The following GALNT6 variants were observed in gnomAD, a reference collection of about 807,000 sequenced individuals.
GALNT6 encodes GalNAc transferase 6.
GALNT6 carries 51 observed loss-of-function variants against 65.9 expected under a neutral mutation model. The observed-to-expected ratio is 0.77, with a 90% CI of 0.62 to 0.98. GALNT6 has a LOEUF of 0.98. Among genes scored for constraint, GALNT6 ranks in the 50% least tolerant of loss-of-function variants. GALNT6 has a pLI of 0.00. For missense variants in GALNT6, 708 were observed against 803.3 expected, an observed-to-expected ratio of 0.88 and a Z score of 1.43; for synonymous variants, 323 against 315.1, an observed-to-expected ratio of 1.02 and a Z score of -0.26.
At chr12:51,371,398 A>C (rs1183787941) in intron 4 of GALNT6, among the ~76,000 whole-genome samples, 1 of 151,978 alleles carries the variant, frequency 6.6e-6, no homozygotes, top group Non-Finnish European at 1.5e-5. Context: ...CACCCACTCC[A>C]CCAGCACTCT....
At chr12:51,374,881 T>C (rs1763268016) in intron 4 of GALNT6, among the ~76,000 whole-genome samples, 3 of 152,168 alleles carry the variant, frequency 2.0e-5, no homozygotes, top group Admixed American at 2.0e-4. Flanking sequence ...GAAGTCACAG[T>C]ACAGATGAAA....
chr12:51,359,437 G>C, intron 7 of GALNT6, 105 bp from the exon 8 acceptor site: 1 of 752,294 alleles, frequency 1.3e-6, no homozygotes, highest in Non-Finnish European at 2.2e-6. Flanking sequence ...CAGGTCCAAG[G>C]ACTTGGGCAA....
chr12:51,373,742 C>T (rs576995125), intron 4 of GALNT6, among the ~76,000 whole-genome samples: 11 of 152,326 alleles, frequency 7.2e-5, no homozygotes, highest in Admixed American at 5.2e-4. Flanking sequence ...GAGATCACTG[C>T]CAAGCTCCTC....
In GALNT6 at chr12:51,358,891, C is replaced by T. The variant is rs1565712892; in HGVS notation, c.1368+241G>A. On this transcript the variant is annotated intron_variant, in intron 8 of 11. Transcript: ENST00000356317. ...GTAAGAGGCTTTTCCTCCAAATCTC[C>T]TTTCCCTCCCTTCCCCTCCAAAGGG... Among the ~76,000 whole-genome samples, 8 of 152,184 alleles carry T rather than the reference C, an allele frequency of 5.3e-5. No homozygotes were observed. In the South Asian group the frequency reaches 1.7e-3, roughly 32 times the overall value.
intron 9 of GALNT6, among the ~76,000 whole-genome samples, chr12:51,357,888 T>C (rs1014790673): frequency 7.2e-5 from 11 of 152,216 alleles, no homozygotes; most frequent in South Asian, 2.1e-4. Context: ...TACCGTGCCT[T>C]CCTGGTGATT....
At position 51,387,223 on chromosome 12, in the gene GALNT6, G is replaced by A. The variant is rs983582016; in HGVS notation, c.-104+3627C>T. Reference sequence around the variant, plus strand: ...AGCGATTCTCATCCCTCAGCCTCCCGGGTAGCTGGGATTACAGGCGCCCGC... The same window carrying A: ...AGCGATTCTCATCCCTCAGCCTCCCAGGTAGCTGGGATTACAGGCGCCCGC... On this transcript the variant is annotated intron_variant, in intron 2 of 11. Transcript: ENST00000356317. The surrounding 1 kb of genome is among the most constrained non-coding windows in gnomAD (Gnocchi z 4.2). 1.1e-4 allele frequency among the ~76,000 whole-genome samples: 16 copies of A among 151,806 alleles called. No homozygotes were observed. The highest frequency in any genetic ancestry group is 3.9e-4 in the African/African-American group (16 of 41,292).
At chr12:51,366,957 G>T (rs1487027480) in intron 4 of GALNT6, among the ~76,000 whole-genome samples, 1 of 152,048 alleles carries the variant, frequency 6.6e-6, no homozygotes, top group Non-Finnish European at 1.5e-5. Context: ...GTGAGACCCT[G>T]CCACTATTAA....
intron 2 of GALNT6, among the ~76,000 whole-genome samples, chr12:51,381,629 T>C (rs1472071172): frequency 6.6e-6 from 1 of 152,228 alleles, no homozygotes; most frequent in African/African-American, 2.4e-5. Context: ...GTTTTGATCA[T>C]TAGCAGCTGT....
Position 51,379,357 on chromosome 12 carries a change from A to C in GALNT6, c.425T>G (p.Phe142Cys), listed in dbSNP as rs923345055. Reference protein sequence around the residue: ...EKEEGYKKHCFNAFASDRISL... With the variant: ...EKEEGYKKHCCNAFASDRISL... The stretch of plus-strand genomic sequence containing the variant: ...GATCCGGTCGCTGGCAAAGGCATTG[A>C]AACAGTGCTTCTTATAGCCTTCTTC... Residue 142 changes from phenylalanine (F) to cysteine (C), a missense_variant, in exon 3 of 12, where the codon TTC becomes TGC. Coordinates refer to ENST00000356317, the MANE Select transcript of GALNT6 (RefSeq NM_007210.4). The C allele has an allele frequency of 6.4e-7, 1 of 1,555,104 alleles. No individual in the cohort carries two copies. Among genetic ancestry groups the C allele is most frequent in the Non-Finnish European group, 8.7e-7 (1 of 1,154,942 alleles).
At chr12:51,368,878 C>T (rs896218056) in intron 4 of GALNT6, among the ~76,000 whole-genome samples, 1 of 152,216 alleles carries the variant, frequency 6.6e-6, no homozygotes, top group Non-Finnish European at 1.5e-5. Context: ...TCAAAATCAG[C>T]CTCATGCAGC....
chr12:51,363,751 A>G (rs1282773202), intron 6 of GALNT6, among the ~76,000 whole-genome samples: 3 of 152,070 alleles, frequency 2.0e-5, no homozygotes, highest in Admixed American at 2.0e-4. Flanking sequence ...AGCATGGGCC[A>G]CTCCTTTTAT....
Position 51,364,318 on chromosome 12 carries a change from A to G in GALNT6, c.852T>C (p.Ala284=). Residue 284 remains alanine (A), a synonymous_variant, in exon 6 of 12, where the codon GCT becomes GCC. Transcript: ENST00000356317. ...CFHGWLEPLL[A]RIAEDKTVVV... ...CCACTGTCTTGTCCTCAGCGATTCG[A>G]GCCAGGAGGGGCTCCAGCCAGCCGT... 1 of 1,614,182 alleles carries G rather than the reference A, an allele frequency of 6.2e-7. No individual in the cohort carries two copies. Among genetic ancestry groups the G allele is most frequent in the Non-Finnish European group, 8.5e-7 (1 of 1,180,010 alleles).
At chr12:51,356,078 C>T in intron 10 of GALNT6, 120 bp from the exon 11 acceptor site, 1 of 803,338 alleles carries the variant, frequency 1.2e-6, no homozygotes, top group Non-Finnish European at 2.0e-6. Flanking sequence ...GAGGCCATGC[C>T]AAGACTTTAC....
intron 9 of GALNT6, among the ~76,000 whole-genome samples, chr12:51,357,803 C>T (rs1387093752): frequency 3.9e-5 from 6 of 152,104 alleles, no homozygotes; most frequent in African/African-American, 1.4e-4. Flanking sequence ...CCTGGAGACT[C>T]GTGAGAAATG....
Position 51,369,050 on chromosome 12 carries a change from C to T in GALNT6, c.665-3471G>A, listed in dbSNP as rs12578858. ...CCCTGACAGGAAGGAGGGAGGAAGC[C>T]CAGGCTCCTCAGCATGGCTGCTGTG... On this transcript the variant is annotated intron_variant, in intron 4 of 11. Coordinates refer to ENST00000356317, the MANE Select transcript of GALNT6 (RefSeq NM_007210.4). 8.6e-3 allele frequency among the ~76,000 whole-genome samples: 1,312 copies of T among 152,316 alleles called. 55 individuals carry two copies. The East Asian group carries it at 0.13, about 15-fold the overall frequency.
In GALNT6 at chr12:51,379,801, C is replaced by G; in HGVS notation, c.-20G>C. On this transcript the variant is annotated 5_prime_UTR_variant, in exon 3 of 12. Transcript: ENST00000356317. The stretch of plus-strand genomic sequence containing the variant: ...CCTCATCCTCCAGAACCAAGGGGCA[C>G]CCCAGCTGCGTCAGCTCTGAGTCCT... The G allele has an allele frequency of 6.3e-7, 1 of 1,586,818 alleles. No homozygotes were observed. The highest frequency in any genetic ancestry group is 8.5e-7 in the Non-Finnish European group (1 of 1,170,552).
At chr12:51,376,008 G>A (rs527582569) in intron 4 of GALNT6, among the ~76,000 whole-genome samples, 15 of 152,036 alleles carry the variant, frequency 9.9e-5, no homozygotes, top group African/African-American at 2.4e-4. Flanking sequence ...CTACAAGCGC[G>A]CACCACCACA....
intron 6 of GALNT6, among the ~76,000 whole-genome samples, chr12:51,362,632 G>C (rs1472856816): frequency 6.6e-6 from 1 of 150,764 alleles, no homozygotes; most frequent in Non-Finnish European, 1.5e-5. Context: ...CTGGTCACTG[G>C]CATGGGGGTG....
intron 2 of GALNT6, among the ~76,000 whole-genome samples, chr12:51,383,798 T>C (rs1386152639): frequency 6.6e-6 from 1 of 152,082 alleles, no homozygotes; most frequent in Non-Finnish European, 1.5e-5. Flanking sequence ...AAGAGTCCCT[T>C]AGAAGAGACA....
Sources: gnomAD v4.1 joint callset for allele counts (sites outside exome capture counted in the v4.1 genomes callset) on GRCh38, gnomAD v4.1.1 for gene constraint, Gnocchi (gnomAD v3.1) non-coding constraint, MANE v1.5 for transcripts, NCBI Gene and HGNC (gene_info 2026-07-23, HGNC 2026-07-21) for gene names.